The following KCNAB1 variants were observed in gnomAD, a reference collection of about 807,000 sequenced individuals.
KCNAB1 encodes potassium voltage-gated channel subfamily A regulatory beta subunit 1, also known as voltage-gated potassium channel subunit beta-1.
A neutral mutation model predicts 64.6 loss-of-function variants in KCNAB1; 35 were observed. That is an observed-to-expected ratio of 0.54 (90% CI 0.41 to 0.72). KCNAB1 has a LOEUF of 0.72. KCNAB1 is among the 30% of genes least tolerant of loss of function. The pLI is 0.00. For missense variants in KCNAB1, 401 were observed against 512.9 expected, an observed-to-expected ratio of 0.78 and a Z score of 2.11; for synonymous variants, 177 against 183.8, an observed-to-expected ratio of 0.96 and a Z score of 0.30.
intron 1 of KCNAB1, among the ~76,000 whole-genome samples, chr3:156,247,747 G>A (rs1481289834): frequency 6.6e-6 from 1 of 152,010 alleles, no homozygotes; most frequent in East Asian, 1.9e-4. Flanking sequence ...TATTTTTTTA[G>A]TAGAGACAGG....
At chr3:156,407,428 G>T (rs1257459025) in intron 1 of KCNAB1, among the ~76,000 whole-genome samples, 1 of 152,114 alleles carries the variant, frequency 6.6e-6, no homozygotes, top group Admixed American at 6.5e-5. Flanking sequence ...AGTTATTTCT[G>T]TGTTTACTTG....
chr3:156,288,188 T>C (rs1391745598), intron 1 of KCNAB1, among the ~76,000 whole-genome samples: 1 of 152,132 alleles, frequency 6.6e-6, no homozygotes, highest in East Asian at 1.9e-4. Context: ...ATCTCCTCCT[T>C]CTATATGGAC....
intron 1 of KCNAB1, among the ~76,000 whole-genome samples, chr3:156,168,296 G>A (rs991177983): frequency 6.6e-6 from 1 of 151,508 alleles, no homozygotes; most frequent in Non-Finnish European, 1.5e-5. Context: ...TCAAACCGAA[G>A]ATACTATCAA....
At chr3:156,246,344 G>C (rs531240030) in intron 1 of KCNAB1, among the ~76,000 whole-genome samples, 1 of 152,154 alleles carries the variant, frequency 6.6e-6, no homozygotes, top group Non-Finnish European at 1.5e-5. Context: ...GGTGGCTCAC[G>C]CCTGTAATCC....
chr3:156,380,191 C>T (rs1365178902), intron 1 of KCNAB1, among the ~76,000 whole-genome samples: 1 of 152,194 alleles, frequency 6.6e-6, no homozygotes, highest in Non-Finnish European at 1.5e-5. Flanking sequence ...CCAGCGCCTT[C>T]CCCTCTATCT....
chr3:156,268,959 C>T (rs946042569), intron 1 of KCNAB1, among the ~76,000 whole-genome samples: 3 of 152,154 alleles, frequency 2.0e-5, no homozygotes, highest in Non-Finnish European at 4.4e-5. Flanking sequence ...AGAGTTTCCT[C>T]AATGTTTTCT....
chr3:156,288,745 A>C (rs565061042), intron 1 of KCNAB1, among the ~76,000 whole-genome samples: 1 of 151,726 alleles, frequency 6.6e-6, no homozygotes, highest in Non-Finnish European at 1.5e-5. Flanking sequence ...TCTTTGAGGC[A>C]TGTCCTAAAG....
chr3:156,457,244 C>T, intron 3 of KCNAB1: 4 of 1,352,230 alleles, frequency 3.0e-6, no homozygotes, highest in Non-Finnish European at 2.9e-6. Flanking sequence ...TTCAAGTAAC[C>T]CCTCAGTGCC....
At chr3:156,423,745 G>T (rs549527183) in intron 2 of KCNAB1, among the ~76,000 whole-genome samples, 173 of 152,278 alleles carry the variant, frequency 1.1e-3, no homozygotes, top group Admixed American at 2.4e-3. Flanking sequence ...GATGCTGAGG[G>T]CTTGTGTTGG....
intron 2 of KCNAB1, among the ~76,000 whole-genome samples, chr3:156,424,108 G>T (rs1715656539): frequency 6.6e-6 from 1 of 152,140 alleles, no homozygotes; most frequent in South Asian, 2.1e-4. Flanking sequence ...AAACTTGGAG[G>T]TGAAGGTGCA....
chr3:156,123,800 G>A (rs1037500569), intron 1 of KCNAB1, among the ~76,000 whole-genome samples: 17 of 152,156 alleles, frequency 1.1e-4, no homozygotes, highest in African/African-American at 4.1e-4. Context: ...GCCTGTAACT[G>A]TGGGCATGTT....
In KCNAB1 at chr3:156,309,342, C is replaced by T. The variant is rs1299709900; in HGVS notation, c.276-112274C>T. Among the ~76,000 whole-genome samples the T allele has an allele frequency of 2.6e-5, 4 of 152,320 alleles. No individual in the cohort carries two copies. In the East Asian group the frequency reaches 7.7e-4, roughly 29 times the overall value. On this transcript the variant is annotated intron_variant, in intron 1 of 13. Transcript: ENST00000490337. ...TTAGCCTGAATGAAGCTGCAGTTGTCTTTACCACAGAGGCCTCAGCCCTCT... is the reference window on the plus strand; with the variant it reads ...TTAGCCTGAATGAAGCTGCAGTTGTTTTTACCACAGAGGCCTCAGCCCTCT...
intron 1 of KCNAB1, among the ~76,000 whole-genome samples, chr3:156,309,335 C>T (rs1721730406): frequency 6.6e-6 from 1 of 152,212 alleles, no homozygotes; most frequent in Non-Finnish European, 1.5e-5. Flanking sequence ...AATGAAGCTG[C>T]AGTTGTCTTT....
chr3:156,142,660 G>A (rs1045949300), intron 1 of KCNAB1, among the ~76,000 whole-genome samples: 20 of 152,138 alleles, frequency 1.3e-4, no homozygotes, highest in African/African-American at 4.8e-4. Context: ...ATCTGAAAGA[G>A]GTTAATGGAC....
intron 1 of KCNAB1, among the ~76,000 whole-genome samples, chr3:156,316,285 A>G (rs1560191685): frequency 1.3e-5 from 2 of 152,260 alleles, no homozygotes; most frequent in South Asian, 4.1e-4. Flanking sequence ...TCAGCTCTTT[A>G]CTGGGCTGGA....
intron 1 of KCNAB1, among the ~76,000 whole-genome samples, chr3:156,232,492 T>C (rs1421263489): frequency 1.3e-5 from 2 of 152,244 alleles, no homozygotes; most frequent in Non-Finnish European, 2.9e-5. Flanking sequence ...TCTTGATCTA[T>C]AAGAATAAAC....
intron 1 of KCNAB1, among the ~76,000 whole-genome samples, chr3:156,178,568 T>C (rs1397990226): frequency 6.6e-6 from 1 of 152,306 alleles, no homozygotes; most frequent in African/African-American, 2.4e-5. Context: ...TAAGAGTCTA[T>C]TGGATTGGGG....
Position 156,463,034 on chromosome 3 carries a change from C to T in KCNAB1, c.483-668C>T, listed in dbSNP as rs190474958. Among the ~76,000 whole-genome samples the T allele has an allele frequency of 8.7e-4, 132 of 152,298 alleles. 1 individual carries two copies. The highest frequency in any genetic ancestry group is 3.2e-3 in the African/African-American group (131 of 41,562). ...GAAACTTGAGTTAAGGACTTTAGGA[C>T]TGTTTTCCTAAAATGACATTTCCAT... On this transcript the variant is annotated intron_variant, in intron 5 of 13. Transcript: ENST00000490337.
intron 1 of KCNAB1, among the ~76,000 whole-genome samples, chr3:156,407,759 G>T (rs1576827751): frequency 6.6e-6 from 1 of 152,140 alleles, no homozygotes; most frequent in East Asian, 1.9e-4. Context: ...CCCACAAGCT[G>T]TGAACATGAT....
Sources: gnomAD v4.1 joint callset for allele counts (sites outside exome capture counted in the v4.1 genomes callset) on GRCh38, gnomAD v4.1.1 for gene constraint, MANE v1.5 for transcripts, NCBI Gene and HGNC (gene_info 2026-07-23, HGNC 2026-07-21) for gene names.